UQCR11: variants seen among roughly 807,000 people sequenced by gnomAD.
UQCR11 encodes ubiquinol-cytochrome c reductase, complex III subunit XI, also known as cytochrome b-c1 complex subunit 10.
A neutral mutation model predicts 7.6 loss-of-function variants in UQCR11; 10 were observed. The observed-to-expected ratio is 1.31, with a 90% CI of 0.81 to 2.22. UQCR11 has a LOEUF of 2.22. Ranked by LOEUF, UQCR11 falls within the 30% of genes most tolerant of loss-of-function variation. The pLI, the probability that UQCR11 is intolerant of heterozygous loss-of-function variation, is 0.00. For synonymous variants in UQCR11, 34 were observed against 34.9 expected, an observed-to-expected ratio of 0.97 and a Z score of 0.09; for missense variants, 86 against 75.1, an observed-to-expected ratio of 1.15 and a Z score of -0.54.
rs1398488787 is a variant in UQCR11 at position 1,597,767 on chromosome 19, A to G, written c.*477T>C. On this transcript the variant is annotated 3_prime_UTR_variant, in exon 3 of 3. Coordinates refer to ENST00000591899, the MANE Select transcript of UQCR11 (RefSeq NM_006830.4). ...GAGAGACTCTGGGCCACAACCACCC[A>G]GATACATCACTCCCAAATCCCCGAC... 1.3e-5 allele frequency: 2 copies of G among 152,268 alleles called. No individual in the cohort carries two copies. Among genetic ancestry groups the G allele is most frequent in the African/African-American group, 4.8e-5 (2 of 41,468 alleles). The allele number at this position is 152,268 out of a possible 1,614,324, so 9.4% of individuals were successfully genotyped here.
At chr19:1,600,672 G>A (rs1488373769) in intron 1 of UQCR11, among the ~76,000 whole-genome samples, 1 of 152,108 alleles carries the variant, frequency 6.6e-6, no homozygotes, top group African/African-American at 2.4e-5. Flanking sequence ...AGGAGTTTGA[G>A]ACCAGCCTAG....
intron 2 of UQCR11, chr19:1,599,022 C>T (rs889831232): frequency 2.3e-5 from 5 of 217,810 alleles, no homozygotes; most frequent in Non-Finnish European, 3.7e-5. Context: ...TCCAGGGCCT[C>T]ACAGGCGCTT....
rs1220751271 is a variant in UQCR11 at position 1,597,192 on chromosome 19, T to A, written c.*1052A>T. On this transcript the variant is annotated 3_prime_UTR_variant, in exon 3 of 3. Coordinates refer to ENST00000591899, the MANE Select transcript of UQCR11 (RefSeq NM_006830.4). ...TATTCTCTTTTTATACCTGTTCATTTTTATTTTTTCATTTTTTTTCTTTTT... is the reference window on the plus strand; with the variant it reads ...TATTCTCTTTTTATACCTGTTCATTATTATTTTTTCATTTTTTTTCTTTTT... 1.3e-5 allele frequency: 2 copies of A among 152,120 alleles called. No individual in the cohort carries two copies. Among genetic ancestry groups the A allele is most frequent in the Non-Finnish European group, 2.9e-5 (2 of 68,048 alleles). The allele number at this position is 152,120 out of a possible 1,614,324, so 9.4% of individuals were successfully genotyped here.
intron 1 of UQCR11, 30 bp from the exon 2 acceptor site, chr19:1,599,590 G>C (rs756640088): frequency 1.2e-5 from 20 of 1,601,878 alleles, no homozygotes; most frequent in African/African-American, 1.3e-5. Context: ...GGTCAGGCCT[G>C]CTCTGGACCC....
At chr19:1,599,784 G>T (rs542637304) in intron 1 of UQCR11, among the ~76,000 whole-genome samples, 1 of 152,256 alleles carries the variant, frequency 6.6e-6, no homozygotes, top group African/African-American at 2.4e-5. Flanking sequence ...CTGCTGGGGT[G>T]GGAGTGGAGC....
intron 1 of UQCR11, among the ~76,000 whole-genome samples, chr19:1,599,863 G>A (rs879175591): frequency 2.6e-5 from 4 of 152,260 alleles, no homozygotes; most frequent in Admixed American, 6.5e-5. Context: ...TGATGGGTCC[G>A]GTCTGCTGCA....
chr19:1,604,089 G>A (rs140611381), intron 1 of UQCR11, among the ~76,000 whole-genome samples: 6,546 of 152,116 alleles, frequency 0.043, 227 homozygotes, highest in Non-Finnish European at 0.065. Flanking sequence ...GGGATTACAG[G>A]CACGCGCCAC....
chr19:1,605,332 G>C (rs772419531), intron 1 of UQCR11, 28 bp downstream of exon 1: 3 of 1,558,486 alleles, frequency 1.9e-6, no homozygotes, highest in Non-Finnish European at 2.6e-6. Flanking sequence ...GCGGGAGCGC[G>C]GATGGGGCCG....
At position 1,599,290 on chromosome 19, in the gene UQCR11, G is replaced by A. The variant is rs549303952; in HGVS notation, c.*28+122C>T. On this transcript the variant is annotated intron_variant, in intron 2 of 2. Coordinates refer to ENST00000591899, the MANE Select transcript of UQCR11 (RefSeq NM_006830.4). ...GGCACCCAGGGCCCCACTCTCGAAT[G>A]CAGGTCTCTCCAGGGGGAGCAGTGA... 4.0e-5 allele frequency: 53 copies of A among 1,332,908 alleles called. No homozygotes were observed. In the East Asian group the frequency reaches 1.2e-3, roughly 31 times the overall value. 82.6% of individuals were successfully genotyped at this position (1,332,908 alleles called of 1,614,324 possible).
intron 1 of UQCR11, 53 bp from the exon 2 acceptor site, chr19:1,599,613 C>T (rs2060741396): frequency 6.3e-7 from 1 of 1,592,916 alleles, no homozygotes; most frequent in South Asian, 1.1e-5. Context: ...TCTCCAAGAC[C>T]CTCTCCTGCC....
chr19:1,599,136 C>T (rs1432275637), intron 2 of UQCR11: 2 of 354,530 alleles, frequency 5.6e-6, no homozygotes, highest in South Asian at 2.8e-5. Flanking sequence ...CCCACTGAGA[C>T]GGAAGCAAGG....
In UQCR11 at chr19:1,605,384, C is replaced by T. The variant is rs866600025; in HGVS notation, c.26G>A (p.Arg9His). 4 of 1,576,626 alleles carry T rather than the reference C, an allele frequency of 2.5e-6. No individual in the cohort carries two copies. The highest frequency in any genetic ancestry group is 2.8e-5 in the African/African-American group (2 of 70,978). ...CCAGTTCTTGACCAGCTCCCGGTAG[C>T]GTGGGCCCAGGAACCGGGTCACCAT... Reference protein sequence around the residue: MVTRFLGPRYRELVKNWVP... With the variant: MVTRFLGPHYRELVKNWVP... The change falls in exon 1 of 3, where the codon CGC (arginine) becomes CAC (histidine). Residue 9 changes from arginine to histidine, a missense_variant. Transcript: ENST00000591899.
intron 2 of UQCR11, 166 bp downstream of exon 2, chr19:1,599,246 G>T: frequency 1.2e-6 from 1 of 857,348 alleles, no homozygotes; most frequent in Non-Finnish European, 1.7e-6. Context: ...TGTGCCCGTG[G>T]GCCGGAGATG....
intron 1 of UQCR11, chr19:1,602,219 TGTTGGGGCG>T (rs1359570904): frequency 7.2e-5 from 11 of 151,738 alleles, no homozygotes; most frequent in African/African-American, 2.7e-4. Context: ...ACAGCTGGGA[TGTTGGGGCG>T]GTAGGGGGTG....
intron 1 of UQCR11, among the ~76,000 whole-genome samples, chr19:1,604,046 A>C (rs895353709): frequency 1.3e-5 from 2 of 152,016 alleles, no homozygotes; most frequent in Admixed American, 6.5e-5. Context: ...CCCGGGTTTG[A>C]GCGATTCTCC....
chr19:1,599,260 G>C lies in UQCR11; in HGVS notation c.*28+152C>G, dbSNP rs1486802764. ...CTGTGCCCGTGGGCCGGAGATGCCA[G>C]AAGGGGCACCCAGGGCCCCACTCTC... On this transcript the variant is annotated intron_variant, in intron 2 of 2. Transcript: ENST00000591899. 2.9e-6 allele frequency: 3 copies of C among 1,048,008 alleles called. No homozygotes were observed. The East Asian group carries it at 7.7e-5, about 27-fold the overall frequency. The allele number at this position is 1,048,008 out of a possible 1,614,324, so 64.9% of individuals were successfully genotyped here. A position where few individuals can be genotyped will look rare whatever the true frequency, so the allele number is the denominator to read the frequency against.
chr19:1,603,606 CTAAATAAATAAATGAA>C (rs1190148043), intron 1 of UQCR11, among the ~76,000 whole-genome samples: 2 of 152,074 alleles, frequency 1.3e-5, no homozygotes, highest in South Asian at 2.1e-4. Flanking sequence ...GACTCCGTCT[CTAAATAAATAAATGAA>C]TAAATAAATA....
intron 1 of UQCR11, 33 bp downstream of exon 1, chr19:1,605,327 A>C: frequency 3.2e-6 from 5 of 1,554,410 alleles, no homozygotes; most frequent in Non-Finnish European, 4.3e-6. Flanking sequence ...CCGAGGCGGG[A>C]GCGCGGATGG....
intron 1 of UQCR11, 127 bp from the exon 2 acceptor site, chr19:1,599,687 A>G: frequency 3.6e-6 from 5 of 1,406,520 alleles, no homozygotes; most frequent in Non-Finnish European, 4.7e-6. Context: ...GTGCCCGCCC[A>G]GTGCTGTGAG....
Sources: allele counts gnomAD v4.1 joint callset (sites outside exome capture counted in the v4.1 genomes callset), GRCh38; gene constraint gnomAD v4.1.1; transcripts MANE v1.5; gene names NCBI Gene and HGNC (gene_info 2026-07-23, HGNC 2026-07-21).